PLEKHA6: variants seen among roughly 807,000 people sequenced by gnomAD.
PLEKHA6 encodes pleckstrin homology domain-containing family A member 6.
PLEKHA6 carries 60 observed loss-of-function variants against 116.7 expected under a neutral mutation model. That is an observed-to-expected ratio of 0.51 (90% CI 0.42 to 0.64). PLEKHA6 has a LOEUF of 0.64. Ranked by LOEUF, PLEKHA6 falls within the 30% of genes least tolerant of loss-of-function variation. The pLI is 0.00. For synonymous variants in PLEKHA6, 489 were observed against 556.1 expected (o/e 0.88, Z 1.70); for missense variants, 1,338 against 1,422.7 (o/e 0.94, Z 0.96).
At position 204,247,470 on chromosome 1, in the gene PLEKHA6, A is replaced by G. The variant is rs765232880; in HGVS notation, c.1825-10T>C. The G allele has an allele frequency of 1.3e-6, 2 of 1,591,158 alleles. No individual in the cohort carries two copies. Among genetic ancestry groups the G allele is most frequent in the Non-Finnish European group, 1.7e-6 (2 of 1,159,748 alleles). ...TGCTGTTTGTCAGGGCCTACGGGGG[A>G]AAGAGGCGTTCACTGAGAAAGCCGC... On this transcript the variant is annotated splice_polypyrimidine_tract_variant and intron_variant, in intron 12 of 22. Coordinates refer to ENST00000272203, the MANE Select transcript of PLEKHA6 (RefSeq NM_014935.5).
intron 1 of PLEKHA6, among the ~76,000 whole-genome samples, chr1:204,354,677 G>C (rs144715670): frequency 1.3e-5 from 2 of 152,258 alleles, no homozygotes; most frequent in East Asian, 3.9e-4. Context: ...ACTTGGGTCA[G>C]GATTTGAACC....
chr1:204,295,865 C>T (rs1236842750), intron 1 of PLEKHA6, among the ~76,000 whole-genome samples: 1 of 152,192 alleles, frequency 6.6e-6, no homozygotes, highest in Non-Finnish European at 1.5e-5. Context: ...ACTGAGCCAA[C>T]ACGAGCCTCC....
intron 17 of PLEKHA6, 120 bp from the exon 18 acceptor site, chr1:204,230,706 T>C (rs1368675311): frequency 1.2e-6 from 1 of 800,026 alleles, no homozygotes; most frequent in South Asian, 1.9e-5. Flanking sequence ...TGAAGAGTGG[T>C]CCCCAAAAGA....
chr1:204,244,471 C>T (rs1487438017), intron 15 of PLEKHA6, among the ~76,000 whole-genome samples: 1 of 152,134 alleles, frequency 6.6e-6, no homozygotes, highest in African/African-American at 2.4e-5. Context: ...CATGGTACCC[C>T]ATGCCCACAG....
intron 1 of PLEKHA6, chr1:204,347,247 T>G (rs1276440141): frequency 1.9e-6 from 2 of 1,051,806 alleles, no homozygotes; most frequent in East Asian, 4.7e-5. Flanking sequence ...TCTTTCCCTT[T>G]GTATTCGTCA....
chr1:204,223,477 C>T lies in PLEKHA6; in HGVS notation c.3140G>A (p.Arg1047Gln), dbSNP rs372291432. The T allele has an allele frequency of 2.7e-5, 42 of 1,538,786 alleles. No homozygotes were observed. The highest frequency in any genetic ancestry group is 3.4e-5 in the Non-Finnish European group (39 of 1,135,546). Residue 1047 changes from arginine to glutamine, a missense_variant, in exon 22 of 23, where the codon CGG becomes CAG. Arg to Gln is a conservative substitution (Grantham distance 43). Around this residue, in one of 3 missense-constraint regions of PLEKHA6, gnomAD observed 1,136 missense variants for 1,163.6 expected, o/e 0.98. Transcript: ENST00000272203. This position sits in a 1 kb window ranked among gnomAD's most constrained non-coding sequence, Gnocchi z 4.8. ...PRGADSSYTM[R>Q]V is the part of the protein sequence containing the mutation. Reference sequence around the variant, plus strand: ...AAGTGCTTACGTCAGAGCTCAGACCCGCATGGTATAGCTGCTGTCGGCGCC... The same window carrying T: ...AAGTGCTTACGTCAGAGCTCAGACCTGCATGGTATAGCTGCTGTCGGCGCC...
chr1:204,335,867 A>G (rs1348265384), intron 1 of PLEKHA6, among the ~76,000 whole-genome samples: 1 of 152,174 alleles, frequency 6.6e-6, no homozygotes, highest in Admixed American at 6.5e-5. Context: ...TGGCTCTGCC[A>G]CAGCCCCTGT....
chr1:204,352,880 G>A lies in PLEKHA6; in HGVS notation c.-95+6814C>T, dbSNP rs533074333. On this transcript the variant is annotated intron_variant, in intron 1 of 22. Coordinates refer to ENST00000272203, the MANE Select transcript of PLEKHA6 (RefSeq NM_014935.5). ...CATGCCTGTGGTCCCAGCTACTCAG[G>A]AGGCTGAGGTGGGAGGACTGCATGA... 3.2e-4 allele frequency among the ~76,000 whole-genome samples: 49 copies of A among 152,270 alleles called. 1 individual carries two copies. The highest frequency in any genetic ancestry group is 3.4e-3 in the Middle Eastern group (1 of 294).
At chr1:204,353,455 T>C (rs766634287) in intron 1 of PLEKHA6, among the ~76,000 whole-genome samples, 11 of 152,158 alleles carry the variant, frequency 7.2e-5, no homozygotes, top group Non-Finnish European at 1.3e-4. Flanking sequence ...TCACTCATAG[T>C]TGTGGGGAGA....
At chr1:204,295,865 C>G (rs1236842750) in intron 1 of PLEKHA6, among the ~76,000 whole-genome samples, 1 of 152,192 alleles carries the variant, frequency 6.6e-6, no homozygotes, top group Non-Finnish European at 1.5e-5. Context: ...ACTGAGCCAA[C>G]ACGAGCCTCC....
At chr1:204,357,864 G>A (rs1292645942) in intron 1 of PLEKHA6, among the ~76,000 whole-genome samples, 1 of 152,260 alleles carries the variant, frequency 6.6e-6, no homozygotes, top group South Asian at 2.1e-4. Flanking sequence ...TGGGCGAGGT[G>A]GGGGCTCTGA....
intron 1 of PLEKHA6, among the ~76,000 whole-genome samples, chr1:204,330,743 T>A (rs1572190418): frequency 1.3e-5 from 1 of 74,834 alleles, no homozygotes; most frequent in Non-Finnish European, 2.9e-5. Context: ...GAAGCAGCCC[T>A]CCCAAGGCCC....
chr1:204,353,562 G>A (rs1011875672), intron 1 of PLEKHA6, among the ~76,000 whole-genome samples: 10 of 152,164 alleles, frequency 6.6e-5, no homozygotes, highest in African/African-American at 2.4e-4. Flanking sequence ...CAGGGCCACC[G>A]GGAGCATATG....
At chr1:204,298,342 G>T (rs1400076756) in intron 1 of PLEKHA6, among the ~76,000 whole-genome samples, 1 of 152,202 alleles carries the variant, frequency 6.6e-6, no homozygotes, top group Admixed American at 6.5e-5. Context: ...CCAACAGTGA[G>T]ACTTTTCAAT....
chr1:204,370,400 G>A (rs1673751166), intron 2 of PLEKHA6, among the ~76,000 whole-genome samples: 1 of 152,252 alleles, frequency 6.6e-6, no homozygotes. Flanking sequence ...GGCGAGAGGG[G>A]GAAGGGCTGG....
Position 204,261,601 on chromosome 1 carries a change from A to G in PLEKHA6, c.382-153T>C. The G allele has an allele frequency of 1.2e-6, 1 of 835,414 alleles. No homozygotes were observed. Among genetic ancestry groups the G allele is most frequent in the East Asian group, 2.8e-5 (1 of 35,684 alleles). 51.8% of individuals were successfully genotyped at this position (835,414 alleles called of 1,614,324 possible). The stretch of plus-strand genomic sequence containing the variant: ...TCTTCCCCATGCGGAGCTCAGGAGC[A>G]AGGTGAAGAGGGCAGCTTGCAGCTA... On this transcript the variant is annotated intron_variant, in intron 6 of 22. Coordinates refer to ENST00000272203, the MANE Select transcript of PLEKHA6 (RefSeq NM_014935.5). The surrounding 1 kb of genome is among the most constrained non-coding windows in gnomAD (Gnocchi z 4.0).
At chr1:204,226,790 G>A (rs951362749) in intron 21 of PLEKHA6, among the ~76,000 whole-genome samples, 1 of 152,134 alleles carries the variant, frequency 6.6e-6, no homozygotes, top group African/African-American at 2.4e-5. Context: ...CTAAAATCTG[G>A]TTTCTGAAAA....
intron 1 of PLEKHA6, among the ~76,000 whole-genome samples, chr1:204,330,181 G>T (rs1672397218): frequency 6.6e-6 from 1 of 152,146 alleles, no homozygotes; most frequent in South Asian, 2.1e-4. Context: ...CCAAAAAGCT[G>T]CAAGGTGGGG....
At chr1:204,254,307 T>C (rs1664977417) in intron 9 of PLEKHA6, among the ~76,000 whole-genome samples, 1 of 152,248 alleles carries the variant, frequency 6.6e-6, no homozygotes, top group African/African-American at 2.4e-5. Context: ...TTTATTGAAC[T>C]GTGGACATTG....
Sources: allele counts gnomAD v4.1 joint callset (sites outside exome capture counted in the v4.1 genomes callset), GRCh38; gene constraint gnomAD v4.1.1; regional missense constraint gnomAD v4.1.1; non-coding constraint Gnocchi (gnomAD v3.1); transcripts MANE v1.5; gene names NCBI Gene and HGNC (gene_info 2026-07-23, HGNC 2026-07-21).